Variants in ICA1 observed in about 807,000 individuals in gnomAD.
ICA1 encodes 69 kDa islet cell autoantigen.
ICA1 carries 40 observed loss-of-function variants against 71.0 expected under a neutral mutation model. That is an observed-to-expected ratio of 0.56 (90% CI 0.44 to 0.73). ICA1 has a LOEUF of 0.73. Among genes scored for constraint, ICA1 ranks in the 30% least tolerant of loss-of-function variants. The pLI is 0.00. For missense variants in ICA1, 578 were observed against 576.5 expected (o/e 1.00, Z -0.03); for synonymous variants, 207 against 209.5 (o/e 0.99, Z 0.10).
chr7:8,124,626 C>T (rs1486579090), intron 13 of ICA1, among the ~76,000 whole-genome samples: 1 of 152,122 alleles, frequency 6.6e-6, no homozygotes, highest in African/African-American at 2.4e-5. Context: ...ACTGGGAGCA[C>T]CTGCTGGGAA....
At chr7:8,221,694 G>A (rs377580801) in intron 4 of ICA1, among the ~76,000 whole-genome samples, 10 of 152,160 alleles carry the variant, frequency 6.6e-5, no homozygotes, top group South Asian at 2.1e-4. Context: ...CATAGTGTGC[G>A]GCTTCGAGCT....
intron 8 of ICA1, 158 bp downstream of exon 8, chr7:8,156,955 GAAA>G: frequency 1.2e-5 from 2 of 170,108 alleles, no homozygotes; most frequent in South Asian, 2.5e-4. Context: ...AAAAAAAAAA[GAAA>G]GAAAGAAAGA....
intron 13 of ICA1, among the ~76,000 whole-genome samples, chr7:8,114,645 C>A (rs959032440): frequency 6.6e-6 from 1 of 152,222 alleles, no homozygotes; most frequent in Non-Finnish European, 1.5e-5. Flanking sequence ...CACTCTTCAG[C>A]CTCATTGGAA....
chr7:8,115,563 GCTTTGGGACAATCCTCACATTCCC>G (rs1161805400), intron 13 of ICA1, among the ~76,000 whole-genome samples: 1 of 152,174 alleles, frequency 6.6e-6, no homozygotes, highest in East Asian at 1.9e-4. Context: ...CAGTGATTGT[GCTTTGGGACAATCCTCACATTCCC>G]CAGGCAGCCA....
rs1798505818 is a variant in ICA1, at chr7:8,226,059, A to G, written c.256+2542T>C. ...ATCACTGTGACAATGTTATTCATTTATAATGCAATCAGGTTCATTTGCTAC... is the reference window on the plus strand; with the variant it reads ...ATCACTGTGACAATGTTATTCATTTGTAATGCAATCAGGTTCATTTGCTAC... On this transcript the variant is annotated intron_variant, in intron 4 of 13. Coordinates refer to ENST00000402384, the MANE Select transcript of ICA1 (RefSeq NM_001136020.3). This position sits in a 1 kb window ranked among gnomAD's most constrained non-coding sequence, Gnocchi z 4.4. Among the ~76,000 whole-genome samples, 2 of 152,140 alleles carry G rather than the reference A, an allele frequency of 1.3e-5. No individual in the cohort carries two copies. The highest frequency in any genetic ancestry group is 1.3e-4 in the Admixed American group (2 of 15,266).
intron 13 of ICA1, among the ~76,000 whole-genome samples, chr7:8,114,523 C>T (rs961206005): frequency 7.9e-5 from 12 of 152,194 alleles, no homozygotes; most frequent in African/African-American, 2.2e-4. Flanking sequence ...AAGTGTTTGG[C>T]GCCCAGGCCT....
chr7:8,174,975 G>A lies in ICA1; in HGVS notation c.580-16323C>T, dbSNP rs115852757. Among the ~76,000 whole-genome samples the A allele has an allele frequency of 3.3e-3, 507 of 152,268 alleles. 5 individuals carry two copies. The highest frequency in any genetic ancestry group is 0.012 in the African/African-American group (487 of 41,532). On this transcript the variant is annotated intron_variant, in intron 6 of 13. Transcript: ENST00000402384. ...ATACACGTTCCACTGCTAAGAGAAA[G>A]AGAGGAATGGGTGGTTAAACAGGGC...
At chr7:8,114,453 C>G (rs1784151192) in intron 13 of ICA1, among the ~76,000 whole-genome samples, 1 of 152,184 alleles carries the variant, frequency 6.6e-6, no homozygotes, top group Non-Finnish European at 1.5e-5. Flanking sequence ...CTTTTCAAAT[C>G]TGCTGGGTCA....
At chr7:8,160,358 A>G (rs561154501) in intron 6 of ICA1, among the ~76,000 whole-genome samples, 10 of 152,310 alleles carry the variant, frequency 6.6e-5, no homozygotes, top group South Asian at 2.1e-4. Context: ...GCATCATTCT[A>G]TTTTGGCTGC....
At chr7:8,210,518 C>T (rs1159166279) in intron 6 of ICA1, among the ~76,000 whole-genome samples, 1 of 152,082 alleles carries the variant, frequency 6.6e-6, no homozygotes, top group Non-Finnish European at 1.5e-5. Context: ...AAAGTACATC[C>T]AGTAGGAAAG....
chr7:8,196,260 C>G (rs1787531930), intron 6 of ICA1, among the ~76,000 whole-genome samples: 1 of 152,160 alleles, frequency 6.6e-6, no homozygotes, highest in African/African-American at 2.4e-5. Flanking sequence ...ATCTGAAAAG[C>G]CTACCTGCTA....
intron 13 of ICA1, among the ~76,000 whole-genome samples, chr7:8,127,518 T>C (rs1789720546): frequency 1.3e-5 from 2 of 152,232 alleles, no homozygotes; most frequent in Middle Eastern, 3.4e-3. Context: ...GAAGAGGGCA[T>C]GCTTATGGGA....
chr7:8,221,311 G>C lies in ICA1; in HGVS notation c.344C>G (p.Ala115Gly), dbSNP rs765105039. The change falls in exon 5 of 14, where the codon GCG becomes GGG. Residue 115 changes from alanine to glycine, a missense_variant. Physicochemically the swap from Ala to Gly is moderately conservative, Grantham distance 60 (BLOSUM62 0). Transcript: ENST00000402384. ...AGAAAAGCAGAGGGCCTTTCCTGTCGCTTGCATCATCTTTCCTGCTCTGGT... is the reference window on the plus strand; with the variant it reads ...AGAAAAGCAGAGGGCCTTTCCTGTCCCTTGCATCATCTTTCCTGCTCTGGT... ...DKTRAGKMMQATGKALCFSSQ... is the reference protein window; with the variant it reads ...DKTRAGKMMQGTGKALCFSSQ... The C allele has an allele frequency of 6.2e-7, 1 of 1,613,624 alleles. No homozygotes were observed. Among genetic ancestry groups the C allele is most frequent in the South Asian group, 1.1e-5 (1 of 91,072 alleles).
At chr7:8,239,027 T>G (rs1802809428) in intron 1 of ICA1, among the ~76,000 whole-genome samples, 1 of 152,204 alleles carries the variant, frequency 6.6e-6, no homozygotes. Flanking sequence ...AAATTGGTCT[T>G]TCTTGAACAA....
intron 8 of ICA1, chr7:8,156,764 A>G (rs1396068086): frequency 7.1e-7 from 1 of 1,409,874 alleles, no homozygotes; most frequent in Non-Finnish European, 9.4e-7. Flanking sequence ...GACTTGTACA[A>G]TCTCCCCTTT....
intron 6 of ICA1, among the ~76,000 whole-genome samples, chr7:8,170,102 A>G (rs1447096147): frequency 6.6e-6 from 1 of 151,950 alleles, no homozygotes; most frequent in Admixed American, 6.6e-5. Flanking sequence ...TTTTTCCTCA[A>G]TACGGATACC....
intron 6 of ICA1, among the ~76,000 whole-genome samples, chr7:8,217,355 C>A (rs1031869545): frequency 1.3e-5 from 2 of 152,124 alleles, no homozygotes; most frequent in Non-Finnish European, 2.9e-5. Flanking sequence ...TTCTTAAGGA[C>A]CAGAAGGTCC....
intron 8 of ICA1, among the ~76,000 whole-genome samples, chr7:8,155,261 G>A (rs1397385215): frequency 6.6e-6 from 1 of 152,172 alleles, no homozygotes; most frequent in Non-Finnish European, 1.5e-5. Flanking sequence ...GGAAGGCTCT[G>A]GGGATGTAAA....
chr7:8,220,219 C>T (rs1292491823), intron 5 of ICA1, among the ~76,000 whole-genome samples: 1 of 152,116 alleles, frequency 6.6e-6, no homozygotes, highest in Non-Finnish European at 1.5e-5. Flanking sequence ...TTCATTCAAG[C>T]ATAAAAGTTG....
Sources: gnomAD v4.1 joint callset for allele counts (sites outside exome capture counted in the v4.1 genomes callset) on GRCh38, gnomAD v4.1.1 for gene constraint, Gnocchi (gnomAD v3.1) non-coding constraint, MANE v1.5 for transcripts, NCBI Gene and HGNC (gene_info 2026-07-23, HGNC 2026-07-21) for gene names.